Variants in TBL1X observed in about 807,000 individuals in gnomAD.
TBL1X encodes F-box-like/WD repeat-containing protein TBL1X.
In TBL1X, 10 loss-of-function variants were observed where a neutral mutation model predicts 50.7. The observed-to-expected ratio is 0.20, with a 90% CI of 0.12 to 0.33. The LOEUF (loss-of-function observed/expected upper bound fraction) is 0.33, where lower values mean the gene tolerates loss of function less well. Ranked by LOEUF, TBL1X falls within the 10% of genes least tolerant of loss-of-function variation. The pLI, the probability that TBL1X is intolerant of heterozygous loss-of-function variation, is 1.00. For synonymous variants in TBL1X, 190 were observed against 214.7 expected (o/e 0.88, Z 1.01); for missense variants, 340 against 504.4 (o/e 0.67, Z 3.12).
intron 5 of TBL1X, among the ~76,000 whole-genome samples, chrX:9,660,626 C>G (rs779723477): frequency 1.8e-5 from 2 of 111,753 alleles, no homozygotes; most frequent in East Asian, 5.6e-4. Flanking sequence ...TTTTTCTTGC[C>G]TCCATTAACG....
At chrX:9,709,424 G>T in intron 14 of TBL1X, 102 bp downstream of exon 14, 1 of 1,001,116 alleles carries the variant, frequency 1.0e-6, no homozygotes, top group South Asian at 2.1e-5. Context: ...ATTTATTACT[G>T]ACCACCCTCC....
At chrX:9,704,886 A>G (rs1486364872) in intron 12 of TBL1X, 107 bp from the exon 13 acceptor site, 34 of 1,136,102 alleles carry the variant, frequency 3.0e-5, no homozygotes, top group Non-Finnish European at 4.0e-5. Flanking sequence ...TCTAGAATAA[A>G]TAAATAAGTA....
At chrX:9,574,670 AGCTTCTGTG>A in intron 2 of TBL1X, among the ~76,000 whole-genome samples, 1 of 110,057 alleles carries the variant, frequency 9.1e-6, no homozygotes. Context: ...TTCTGAAACG[AGCTTCTGTG>A]GATACTGGGA....
chrX:9,670,372 C>T (rs2082953722), intron 5 of TBL1X, among the ~76,000 whole-genome samples: 1 of 111,201 alleles, frequency 9.0e-6, no homozygotes, highest in Middle Eastern at 4.6e-3. Flanking sequence ...ATGCTCCCTA[C>T]CCCACCCCAC....
In TBL1X at chrX:9,575,266, C is replaced by T. The variant is rs183155534; in HGVS notation, c.-130-65007C>T. ...CCCGCCCCCATGACCCAATCACCTC[C>T]ACCAGGTCCCTCCCCTGACGTGTGG... On this transcript the variant is annotated intron_variant, in intron 2 of 17. Transcript: ENST00000645353. 8.5e-4 allele frequency among the ~76,000 whole-genome samples: 95 copies of T among 111,375 alleles called. 1 individual carries two copies. The highest frequency in any genetic ancestry group is 1.4e-3 in the Admixed American group (15 of 10,532).
intron 2 of TBL1X, among the ~76,000 whole-genome samples, chrX:9,530,763 C>T (rs1030316771): frequency 1.8e-5 from 2 of 112,074 alleles, no homozygotes; most frequent in African/African-American, 6.5e-5. Flanking sequence ...TAAAATATAA[C>T]GGAAAGAAAA....
intron 2 of TBL1X, among the ~76,000 whole-genome samples, chrX:9,561,170 C>T (rs1400100260): frequency 9.0e-6 from 1 of 111,667 alleles, no homozygotes; most frequent in Non-Finnish European, 1.9e-5. Flanking sequence ...CCACAACCAC[C>T]ACCTTTTAAA....
intron 2 of TBL1X, among the ~76,000 whole-genome samples, chrX:9,616,560 T>C (rs1459080460): frequency 1.8e-5 from 2 of 111,801 alleles, no homozygotes; most frequent in African/African-American, 6.5e-5. Context: ...TCACGCAGGT[T>C]GAATGGAGTG....
intron 5 of TBL1X, among the ~76,000 whole-genome samples, chrX:9,676,614 C>T (rs767399350): frequency 6.2e-5 from 7 of 112,129 alleles, no homozygotes; most frequent in East Asian, 2.8e-4. Context: ...CTTCATTTTA[C>T]GCTAAATTCC....
rs769752386 is a variant in TBL1X, at chrX:9,717,481, G to A, written c.*1235G>A. On this transcript the variant is annotated 3_prime_UTR_variant, in exon 18 of 18. Transcript: ENST00000645353. The stretch of plus-strand genomic sequence containing the variant: ...GCGAGATTGCTCTGCAGCCAGTGAG[G>A]GAGGTCCCCGCCATGCCGGCTGGAA... 3 of 112,157 alleles carry A rather than the reference G, an allele frequency of 2.7e-5. No individual in the cohort carries two copies. The East Asian group carries it at 8.5e-4, about 32-fold the overall frequency. The allele number at this position is 112,157 out of a possible 1,213,427, so 9.2% of individuals were successfully genotyped here. A position where few individuals can be genotyped will look rare whatever the true frequency, so the allele number is the denominator to read the frequency against.
At chrX:9,582,945 G>A (rs1278013200) in intron 2 of TBL1X, among the ~76,000 whole-genome samples, 1 of 112,636 alleles carries the variant, frequency 8.9e-6, no homozygotes, top group Non-Finnish European at 1.9e-5. Flanking sequence ...GTAATTTAAA[G>A]CAGATCTCAG....
chrX:9,641,848 T>C (rs2082777326), intron 3 of TBL1X, among the ~76,000 whole-genome samples: 1 of 112,332 alleles, frequency 8.9e-6, no homozygotes, highest in Non-Finnish European at 1.9e-5. Context: ...ATTTGATTCA[T>C]GCATCAGTTG....
chrX:9,671,782 A>G (rs1188070889), intron 5 of TBL1X, among the ~76,000 whole-genome samples: 1 of 112,137 alleles, frequency 8.9e-6, no homozygotes, highest in Non-Finnish European at 1.9e-5. Flanking sequence ...TCAATTACCA[A>G]CCCTCTCATA....
intron 6 of TBL1X, among the ~76,000 whole-genome samples, chrX:9,685,713 TTTTC>T (rs1427120791): frequency 3.4e-4 from 26 of 76,466 alleles, no homozygotes; most frequent in African/African-American, 1.2e-3. Context: ...TTTTCTTTTC[TTTTC>T]TTTTTTTTTT....
chrX:9,501,474 T>A (rs1299691062), intron 1 of TBL1X, among the ~76,000 whole-genome samples: 1 of 111,512 alleles, frequency 9.0e-6, no homozygotes, highest in Non-Finnish European at 1.9e-5. Flanking sequence ...AAAGCTATGC[T>A]TCTCTTGCTC....
At chrX:9,554,094 T>A (rs1381971818) in intron 2 of TBL1X, among the ~76,000 whole-genome samples, 2 of 112,436 alleles carry the variant, frequency 1.8e-5, no homozygotes, top group East Asian at 5.6e-4. Flanking sequence ...TTGTCCAGAC[T>A]GGTCTTAAAT....
At chrX:9,500,295 A>G (rs2081993983) in intron 1 of TBL1X, among the ~76,000 whole-genome samples, 1 of 63,423 alleles carries the variant, frequency 1.6e-5, no homozygotes, top group Non-Finnish European at 3.1e-5. Flanking sequence ...AAAAAAAAAA[A>G]AGCAAGAAAA....
chrX:9,509,818 T>C (rs2082046602), intron 2 of TBL1X, among the ~76,000 whole-genome samples: 1 of 110,869 alleles, frequency 9.0e-6, no homozygotes, highest in Non-Finnish European at 1.9e-5. Flanking sequence ...TTTTTTGCTG[T>C]CACTGTTAAT....
chrX:9,547,121 T>C (rs1392189937), intron 2 of TBL1X, among the ~76,000 whole-genome samples: 7 of 110,113 alleles, frequency 6.4e-5, no homozygotes, highest in Non-Finnish European at 1.3e-4. Context: ...CCCGGCCTTA[T>C]TCTTAATTTT....
Sources: gnomAD v4.1 joint callset for allele counts (sites outside exome capture counted in the v4.1 genomes callset) on GRCh38, gnomAD v4.1.1 for gene constraint, MANE v1.5 for transcripts, NCBI Gene and HGNC (gene_info 2026-07-23, HGNC 2026-07-21) for gene names.